Variants in SEPTIN9 observed in about 807,000 individuals in gnomAD.
SEPTIN9 encodes septin-9.
Under a neutral mutation model 56.6 loss-of-function variants are expected in SEPTIN9, and 13 were observed. The ratio of observed to expected loss-of-function variants is 0.23; its 90% CI spans 0.15 to 0.37. The LOEUF is 0.37. Among genes scored for constraint, SEPTIN9 ranks in the 10% least tolerant of loss-of-function variants. The probability of loss-of-function intolerance (pLI) is 1.00; values close to 1 mark genes in which losing one functional copy is unlikely to be tolerated. For synonymous variants in SEPTIN9, 332 were observed against 334.1 expected (o/e 0.99, Z 0.07); for missense variants, 650 against 823.1 (o/e 0.79, Z 2.57).
chr17:77,443,751 T>C (rs1301047156), intron 3 of SEPTIN9, among the ~76,000 whole-genome samples: 1 of 150,898 alleles, frequency 6.6e-6, no homozygotes, highest in Admixed American at 6.6e-5. Context: ...TGAGCTGAGA[T>C]CGCGCCACTA....
In SEPTIN9 at chr17:77,326,950, G is replaced by A. The variant is rs1428090134; in HGVS notation, c.76+19753G>A. Among the ~76,000 whole-genome samples, 3 of 152,026 alleles carry A rather than the reference G, an allele frequency of 2.0e-5. No homozygotes were observed. Among genetic ancestry groups the A allele is most frequent in the Non-Finnish European group, 4.4e-5 (3 of 67,996 alleles). ...AGGCTCCTGGAGGGTGGAGCGCCTG[G>A]GGAGCACATGGAAGCTCTGCGTCCC... On this transcript the variant is annotated intron_variant, in intron 2 of 11. Coordinates refer to ENST00000427177, the MANE Select transcript of SEPTIN9 (RefSeq NM_001113491.2). This position sits in a 1 kb window ranked among gnomAD's most constrained non-coding sequence, Gnocchi z 5.1.
chr17:77,386,377 G>A (rs915208176), intron 2 of SEPTIN9, among the ~76,000 whole-genome samples: 3 of 152,174 alleles, frequency 2.0e-5, no homozygotes, highest in Non-Finnish European at 2.9e-5. Context: ...GGGCGGGGAA[G>A]CACTCAGCCA....
intron 1 of SEPTIN9, among the ~76,000 whole-genome samples, chr17:77,291,924 A>G (rs867821413): frequency 3.9e-5 from 6 of 152,174 alleles, no homozygotes; most frequent in African/African-American, 1.4e-4. Flanking sequence ...TTGACATTTT[A>G]TTAAGACTTT....
At chr17:77,356,685 C>T (rs1598245407) in intron 2 of SEPTIN9, among the ~76,000 whole-genome samples, 11 of 31,238 alleles carry the variant, frequency 3.5e-4, no homozygotes, top group African/African-American at 4.5e-4. Context: ...TCCCCTCCCC[C>T]CCCACATGCA....
At chr17:77,466,070 A>T (rs1598418591) in intron 3 of SEPTIN9, among the ~76,000 whole-genome samples, 2 of 141,150 alleles carry the variant, frequency 1.4e-5, no homozygotes, top group East Asian at 4.0e-4. Context: ...ACACACACAC[A>T]CACACACACA....
rs183934933 is a variant in SEPTIN9, at chr17:77,341,690, G to A, written c.76+34493G>A. On this transcript the variant is annotated intron_variant, in intron 2 of 11. Transcript: ENST00000427177. Reference sequence around the variant, plus strand: ...CTGGGGAAGCTGGGGCAGAAGAGTCGCTTGAACCTGGGAGGTGGAGGTTGC... The same window carrying A: ...CTGGGGAAGCTGGGGCAGAAGAGTCACTTGAACCTGGGAGGTGGAGGTTGC... Among the ~76,000 whole-genome samples, 293 of 149,792 alleles carry A rather than the reference G, an allele frequency of 2.0e-3. 2 individuals are homozygous for A. The highest frequency in any genetic ancestry group is 3.4e-3 in the Middle Eastern group (1 of 290).
At position 77,488,773 on chromosome 17, in the gene SEPTIN9, C is replaced by T. The variant is rs577897204; in HGVS notation, c.1171C>T (p.Leu391=). Reference sequence around the variant, plus strand: ...CATCAATGACCAGTACGAGAAATACCTGCAGGAGGAGGTCAACATCAACCG... The same window carrying T: ...CATCAATGACCAGTACGAGAAATACTTGCAGGAGGAGGTCAACATCAACCG... ...KFINDQYEKY[L]QEEVNINRKK... The change falls in exon 7 of 12, where the codon CTG becomes TTG. Residue 391 remains leucine, a synonymous_variant. Coordinates refer to ENST00000427177, the MANE Select transcript of SEPTIN9 (RefSeq NM_001113491.2). 8.7e-6 allele frequency: 14 copies of T among 1,613,942 alleles called. No homozygotes were observed. In the South Asian group the frequency reaches 1.5e-4, roughly 18 times the overall value.
rs1206690065 is a variant in SEPTIN9 at position 77,436,948 on chromosome 17, G to A, written c.721+34245G>A. On this transcript the variant is annotated intron_variant, in intron 3 of 11. Coordinates refer to ENST00000427177, the MANE Select transcript of SEPTIN9 (RefSeq NM_001113491.2). The surrounding 1 kb of genome is among the most constrained non-coding windows in gnomAD (Gnocchi z 4.4). ...TTGTTTGGGGTGGTGAGTGGAAGAT[G>A]CAGGACACAGATTCACGCGATTGTG... Among the ~76,000 whole-genome samples, 1 of 152,240 alleles carries A rather than the reference G, an allele frequency of 6.6e-6. No individual in the cohort carries two copies. Among genetic ancestry groups the A allele is most frequent in the Non-Finnish European group, 1.5e-5 (1 of 68,036 alleles).
chr17:77,428,311 A>G (rs2036992498), intron 3 of SEPTIN9, among the ~76,000 whole-genome samples: 1 of 152,224 alleles, frequency 6.6e-6, no homozygotes, highest in African/African-American at 2.4e-5. Context: ...AGGTTCAACC[A>G]TTGGCAAAGT....
chr17:77,364,223 C>T (rs2034504450), intron 2 of SEPTIN9, among the ~76,000 whole-genome samples: 2 of 152,330 alleles, frequency 1.3e-5, no homozygotes, highest in South Asian at 2.1e-4. Flanking sequence ...CCACGCAGAG[C>T]GTTCTGTTCC....
intron 3 of SEPTIN9, among the ~76,000 whole-genome samples, chr17:77,424,248 G>A (rs1013004741): frequency 1.3e-5 from 2 of 152,236 alleles, no homozygotes; most frequent in Non-Finnish European, 2.9e-5. Context: ...TGAGGAACTG[G>A]CCTCAGGCCA....
intron 4 of SEPTIN9, among the ~76,000 whole-genome samples, chr17:77,486,018 G>T (rs1268268363): frequency 6.6e-6 from 1 of 152,092 alleles, no homozygotes; most frequent in Non-Finnish European, 1.5e-5. Flanking sequence ...GTTTCACCAT[G>T]TTGGCCAAGC....
At chr17:77,463,183 A>G (rs972068031) in intron 3 of SEPTIN9, among the ~76,000 whole-genome samples, 3 of 152,178 alleles carry the variant, frequency 2.0e-5, no homozygotes, top group African/African-American at 7.2e-5. Context: ...CAGGTCAGTG[A>G]GTTCTTCTTG....
rs746449596 is a variant in SEPTIN9, at chr17:77,402,246, G to A, written c.264G>A (p.Ala88=). Residue 88 remains alanine (A), a synonymous_variant, in exon 3 of 12, where the codon GCG becomes GCA. Coordinates refer to ENST00000427177, the MANE Select transcript of SEPTIN9 (RefSeq NM_001113491.2). The surrounding 1 kb of genome is among the most constrained non-coding windows in gnomAD (Gnocchi z 6.6). The stretch of plus-strand genomic sequence containing the variant: ...CCCTAAGCCAACGCTCCCCCAAGGC[G>A]TCCCTGCGGAGGGTGGAGCTCTCGG... ...VDSLSQRSPK[A]SLRRVELSGP... The A allele has an allele frequency of 1.6e-5, 26 of 1,613,106 alleles. No individual in the cohort carries two copies. Among genetic ancestry groups the A allele is most frequent in the Middle Eastern group, 1.6e-4 (1 of 6,084 alleles).
chr17:77,498,864 G>A lies in SEPTIN9; in HGVS notation c.*206G>A, dbSNP rs906018240. 6 of 614,066 alleles carry A rather than the reference G, an allele frequency of 9.8e-6. No homozygotes were observed. In the East Asian group the frequency reaches 1.9e-4, roughly 20 times the overall value. 38.0% of individuals were successfully genotyped at this position (614,066 alleles called of 1,614,324 possible). A position where few individuals can be genotyped will look rare whatever the true frequency, so the allele number is the denominator to read the frequency against. On this transcript the variant is annotated 3_prime_UTR_variant, in exon 12 of 12. Transcript: ENST00000427177. ...CGCGGCCTCCCCGAGGTTGTGGGGA[G>A]GCTGCACTGGAGCCACAGGCAGGGG...
rs2036034434 is a variant in SEPTIN9, at chr17:77,405,440, G to A, written c.721+2737G>A. On this transcript the variant is annotated intron_variant, in intron 3 of 11. Coordinates refer to ENST00000427177, the MANE Select transcript of SEPTIN9 (RefSeq NM_001113491.2). The surrounding 1 kb of genome is among the most constrained non-coding windows in gnomAD (Gnocchi z 5.8). Reference sequence around the variant, plus strand: ...GAACCTGGCGCTCTGGGGGGACGGTGGCTTTCTCCATGGAATAGGATGTAC... The same window carrying A: ...GAACCTGGCGCTCTGGGGGGACGGTAGCTTTCTCCATGGAATAGGATGTAC... 6.6e-6 allele frequency among the ~76,000 whole-genome samples: 1 copy of A among 152,204 alleles called. No homozygotes were observed. Among genetic ancestry groups the A allele is most frequent in the African/African-American group, 2.4e-5 (1 of 41,442 alleles).
chr17:77,495,916 G>A (rs1356359599), intron 10 of SEPTIN9, among the ~76,000 whole-genome samples: 1 of 152,256 alleles, frequency 6.6e-6, no homozygotes, highest in African/African-American at 2.4e-5. Context: ...GGGGCAGCCT[G>A]GAGCCAGGTG....
chr17:77,416,795 AGT>A (rs2036524054), intron 3 of SEPTIN9, among the ~76,000 whole-genome samples: 1 of 152,146 alleles, frequency 6.6e-6, no homozygotes, highest in Non-Finnish European at 1.5e-5. Flanking sequence ...CCAGTCCCAG[AGT>A]GTCTCTGACA....
At chr17:77,379,478 T>A (rs2035063121) in intron 2 of SEPTIN9, among the ~76,000 whole-genome samples, 1 of 152,202 alleles carries the variant, frequency 6.6e-6, no homozygotes. Context: ...CTTCTCAGCC[T>A]GGCAACCTGT....
Sources: gnomAD v4.1 joint callset for allele counts (sites outside exome capture counted in the v4.1 genomes callset) on GRCh38, gnomAD v4.1.1 for gene constraint, Gnocchi (gnomAD v3.1) non-coding constraint, MANE v1.5 for transcripts, NCBI Gene and HGNC (gene_info 2026-07-23, HGNC 2026-07-21) for gene names.